TANGO6: variants seen among roughly 807,000 people sequenced by gnomAD.
TANGO6 encodes the protein transport and Golgi organization protein 6 homolog.
TANGO6 carries 90 observed loss-of-function variants against 114.2 expected under a neutral mutation model. The observed-to-expected ratio is 0.79, with a 90% CI of 0.66 to 0.94. TANGO6 has a LOEUF of 0.94. Among genes scored for constraint, TANGO6 ranks in the 40% least tolerant of loss-of-function variants. The pLI is 0.00. For synonymous variants in TANGO6, 477 were observed against 509.8 expected, an observed-to-expected ratio of 0.94 and a Z score of 0.87; for missense variants, 1,274 against 1,315.3, an observed-to-expected ratio of 0.97 and a Z score of 0.49.
chr16:69,055,943 G>A (rs1205557944), intron 17 of TANGO6, among the ~76,000 whole-genome samples: 1 of 152,070 alleles, frequency 6.6e-6, no homozygotes, highest in Non-Finnish European at 1.5e-5. Flanking sequence ...GGAGGCTGAG[G>A]CAGGAGAATT....
intron 16 of TANGO6, among the ~76,000 whole-genome samples, chr16:69,038,292 T>C (rs891350629): frequency 2.6e-5 from 4 of 151,972 alleles, no homozygotes; most frequent in Admixed American, 2.6e-4. Flanking sequence ...TAACCGGGCA[T>C]GGTGACACGC....
At chr16:68,855,758 G>A (rs1961979855) in intron 1 of TANGO6, among the ~76,000 whole-genome samples, 1 of 151,706 alleles carries the variant, frequency 6.6e-6, no homozygotes, top group Admixed American at 6.6e-5. Context: ...TATTACGGGT[G>A]CCTGTAATCC....
chr16:68,922,662 C>T (rs1038177238), intron 12 of TANGO6, among the ~76,000 whole-genome samples: 2 of 152,106 alleles, frequency 1.3e-5, no homozygotes, highest in Non-Finnish European at 2.9e-5. Context: ...GGTTACTCCT[C>T]CCTGTCCCCT....
Position 68,902,609 on chromosome 16 carries a change from C to A in TANGO6, c.1667+105C>A, listed in dbSNP as rs929501835. The A allele has an allele frequency of 1.2e-5, 12 of 1,042,436 alleles. No homozygotes were observed. In the African/African-American group the frequency reaches 1.3e-4, roughly 11 times the overall value. The allele number at this position is 1,042,436 out of a possible 1,614,324, so 64.6% of individuals were successfully genotyped here. ...GCGCTGATAGAAAAGAAACCAGAAA[C>A]TCAAGTGGCTCAGGTGCCTGCTATT... On this transcript the variant is annotated intron_variant, in intron 9 of 17. Transcript: ENST00000261778.
chr16:68,878,618 GA>G (rs67703918), intron 6 of TANGO6, among the ~76,000 whole-genome samples: 11,389 of 152,038 alleles, frequency 0.075, 909 homozygotes, highest in African/African-American at 0.2. Context: ...CATCCCCAAA[GA>G]AAAATGTCAG....
intron 2 of TANGO6, among the ~76,000 whole-genome samples, chr16:68,862,217 T>G (rs1435986570): frequency 1.3e-5 from 2 of 151,678 alleles, no homozygotes; most frequent in African/African-American, 4.8e-5. Context: ...TACTTACTTA[T>G]GTATTTATTA....
intron 14 of TANGO6, among the ~76,000 whole-genome samples, chr16:68,949,216 T>C (rs534402299): frequency 1.3e-5 from 2 of 152,262 alleles, no homozygotes; most frequent in Non-Finnish European, 2.9e-5. Flanking sequence ...AAGAAGTCAA[T>C]CCTGGGATTT....
intron 9 of TANGO6, among the ~76,000 whole-genome samples, chr16:68,903,100 A>G (rs1327020340): frequency 6.6e-6 from 1 of 152,200 alleles, no homozygotes; most frequent in East Asian, 1.9e-4. Context: ...TAGTCCATGT[A>G]ACATTCATGG....
At chr16:68,888,868 A>C (rs1962574046) in intron 7 of TANGO6, among the ~76,000 whole-genome samples, 1 of 152,172 alleles carries the variant, frequency 6.6e-6, no homozygotes, top group Non-Finnish European at 1.5e-5. Context: ...GCTGGAGTGC[A>C]GTGGCGCAAT....
intron 17 of TANGO6, among the ~76,000 whole-genome samples, chr16:69,081,444 T>G (rs1264132511): frequency 6.7e-6 from 1 of 149,834 alleles, no homozygotes; most frequent in African/African-American, 2.5e-5. Flanking sequence ...GGCATGATCT[T>G]GGCTCACTGC....
chr16:68,983,253 C>A (rs1386022811), intron 15 of TANGO6, among the ~76,000 whole-genome samples: 2 of 152,294 alleles, frequency 1.3e-5, no homozygotes, highest in East Asian at 1.9e-4. Context: ...CATAGTAACA[C>A]CCAAATACTC....
At chr16:68,966,770 ATTTTTTTT>A (rs772432410) in intron 14 of TANGO6, among the ~76,000 whole-genome samples, 1 of 129,092 alleles carries the variant, frequency 7.7e-6, no homozygotes, top group East Asian at 2.2e-4. Context: ...TGTCTGGCTA[ATTTTTTTT>A]TTTTTTTTTT....
chr16:69,010,213 A>T (rs1964132190), intron 15 of TANGO6, among the ~76,000 whole-genome samples: 1 of 152,142 alleles, frequency 6.6e-6, no homozygotes, highest in East Asian at 1.9e-4. Flanking sequence ...GATTATGGTG[A>T]CTTTGCACCA....
chr16:68,843,591 T>C lies in TANGO6; in HGVS notation c.-27T>C. ...CGCCCTGCCGAGGCGCCTGAGCGGGTCGCGAGCGTGGTGTTACACTCCAGT... is the reference window on the plus strand; with the variant it reads ...CGCCCTGCCGAGGCGCCTGAGCGGGCCGCGAGCGTGGTGTTACACTCCAGT... On this transcript the variant is annotated 5_prime_UTR_variant, in exon 1 of 18. Transcript: ENST00000261778. The C allele has an allele frequency of 1.2e-6, 2 of 1,607,104 alleles. No homozygotes were observed. The highest frequency in any genetic ancestry group is 1.7e-6 in the Non-Finnish European group (2 of 1,176,154).
intron 11 of TANGO6, among the ~76,000 whole-genome samples, chr16:68,911,411 G>A (rs1270991594): frequency 6.9e-6 from 1 of 144,648 alleles, no homozygotes; most frequent in Non-Finnish European, 1.5e-5. Context: ...ACAATTTATA[G>A]TTTCTTTTTT....
Position 68,927,916 on chromosome 16 carries a change from A to G in TANGO6, c.2476A>G (p.Thr826Ala). The G allele has an allele frequency of 6.2e-7, 1 of 1,613,938 alleles. No homozygotes were observed. Among genetic ancestry groups the G allele is most frequent in the South Asian group, 1.1e-5 (1 of 91,056 alleles). The change falls in exon 13 of 18, where the codon ACT (threonine) becomes GCT (alanine). Residue 826 changes from threonine (T) to alanine (A), a missense_variant. Thr to Ala is a moderately conservative substitution (Grantham distance 58). Around this residue, in one of 5 missense-constraint regions of TANGO6, gnomAD observed 908 missense variants for 910.2 expected, o/e 1.00. Coordinates refer to ENST00000261778, the MANE Select transcript of TANGO6 (RefSeq NM_024562.2). ...IPQGVNEPST[T>A]TSQKSGSVTT... ...TCAAGGAGTCAATGAGCCCAGCACT[A>G]CTACAAGTCAGAAATCTGGAAGCGT...
In TANGO6 at chr16:69,085,000, G is replaced by A. The variant is rs187727345; in HGVS notation, c.*1339G>A. 1 of 152,464 alleles carries A rather than the reference G, an allele frequency of 6.6e-6. No individual in the cohort carries two copies. The highest frequency in any genetic ancestry group is 1.9e-4 in the East Asian group (1 of 5,328). The allele number at this position is 152,464 out of a possible 1,614,324, so 9.4% of individuals were successfully genotyped here. A position where few individuals can be genotyped will look rare whatever the true frequency, so the allele number is the denominator to read the frequency against. On this transcript the variant is annotated 3_prime_UTR_variant, in exon 18 of 18. Transcript: ENST00000261778. ...AGTGAGCTTAGTGAGCAGAGAGTTA[G>A]AACAAATCTAGCTAGGTGTGTTTAA...
chr16:68,976,135 T>C (rs1045219736), intron 15 of TANGO6, among the ~76,000 whole-genome samples: 29 of 152,278 alleles, frequency 1.9e-4, no homozygotes, highest in Non-Finnish European at 2.4e-4. Flanking sequence ...GGTTTTACCA[T>C]GTTGCCCAGC....
chr16:69,024,181 C>A (rs1403661098), intron 16 of TANGO6, among the ~76,000 whole-genome samples: 1 of 151,958 alleles, frequency 6.6e-6, no homozygotes, highest in Admixed American at 6.6e-5. Flanking sequence ...GGATTACAGG[C>A]GTGAGCCACC....
Sources: allele counts gnomAD v4.1 joint callset (sites outside exome capture counted in the v4.1 genomes callset), GRCh38; gene constraint gnomAD v4.1.1; regional missense constraint gnomAD v4.1.1; transcripts MANE v1.5; gene names NCBI Gene and HGNC (gene_info 2026-07-23, HGNC 2026-07-21).